CER1: variants seen among roughly 807,000 people sequenced by gnomAD.
CER1 encodes the protein cerberus.
In CER1, 10 loss-of-function variants were observed where a neutral mutation model predicts 11.8. That is an observed-to-expected ratio of 0.85 (90% CI 0.52 to 1.44). The LOEUF is 1.44. Ranked by LOEUF, CER1 falls within the 40% of genes most tolerant of loss-of-function variation. The pLI is 0.00. For synonymous variants in CER1, 141 were observed against 122.3 expected, an observed-to-expected ratio of 1.15 and a Z score of -1.01; for missense variants, 431 against 327.0, an observed-to-expected ratio of 1.32 and a Z score of -2.45.
downstream of CER1, among the ~76,000 whole-genome samples, chr9:14,718,214 G>A (rs1839960570): frequency 1.3e-5 from 2 of 152,176 alleles, no homozygotes; most frequent in Admixed American, 6.5e-5. Context: ...TTGGGCTTGA[G>A]AGTCTATTTG....
Position 14,722,724 on chromosome 9 carries a change from C to G in CER1, c.-52G>C. The G allele has an allele frequency of 6.5e-7, 1 of 1,534,004 alleles. No homozygotes were observed. The highest frequency in any genetic ancestry group is 1.3e-5 in the South Asian group (1 of 78,166). ...TAAATGATGAGGCCCAAAGGAGAGGCTCATTCTCTGCAGGACTGGGAAAAA... is the reference window on the plus strand; with the variant it reads ...TAAATGATGAGGCCCAAAGGAGAGGGTCATTCTCTGCAGGACTGGGAAAAA... On this transcript the variant is annotated 5_prime_UTR_variant, in exon 1 of 2. Transcript: ENST00000380911.
downstream of CER1, among the ~76,000 whole-genome samples, chr9:14,718,477 A>G (rs1405478391): frequency 6.6e-6 from 1 of 152,236 alleles, no homozygotes; most frequent in African/African-American, 2.4e-5. Flanking sequence ...TGTAAATGCC[A>G]TGTGTGCATC....
In CER1 at chr9:14,720,255, C is replaced by T. The variant is rs377725836; in HGVS notation, c.639G>A (p.Lys213=). 24 of 1,614,134 alleles carry T rather than the reference C, an allele frequency of 1.5e-5. 1 individual carries two copies. In the African/African-American group the frequency reaches 2.4e-4, roughly 16 times the overall value. Residue 213 remains lysine (K), a synonymous_variant, in exon 2 of 2, where the codon AAG becomes AAA. Coordinates refer to ENST00000380911, the MANE Select transcript of CER1 (RefSeq NM_005454.3). ...HTSCSHCLPA[K]FTTMHLPLNC... ...TCAGTGGCAAGTGCATCGTGGTGAA[C>T]TTGGCAGGCAAACAGTGAGAGCAGG...
In CER1 at chr9:14,719,909, G is replaced by C. The variant is rs1389986923; in HGVS notation, c.*181C>G. On this transcript the variant is annotated 3_prime_UTR_variant, in exon 2 of 2. Transcript: ENST00000380911. ...CTAGTTAGTGGCAGAGCTGAGACAA[G>C]GTCTCAAACGTGTACCAATAACTAG... The C allele has an allele frequency of 1.7e-6, 1 of 592,094 alleles. No individual in the cohort carries two copies. The highest frequency in any genetic ancestry group is 2.2e-5 in the South Asian group (1 of 45,984). The allele number at this position is 592,094 out of a possible 1,614,324, so 36.7% of individuals were successfully genotyped here. A position where few individuals can be genotyped will look rare whatever the true frequency, so the allele number is the denominator to read the frequency against.
Position 14,722,429 on chromosome 9 carries a change from T to C in CER1, c.244A>G (p.Arg82Gly), listed in dbSNP as rs1278677050. The C allele has an allele frequency of 6.2e-7, 1 of 1,614,220 alleles. No individual in the cohort carries two copies. Among genetic ancestry groups the C allele is most frequent in the South Asian group, 1.1e-5 (1 of 91,080 alleles). Residue 82 changes from arginine to glycine, a missense_variant, in exon 1 of 2, where the codon AGA becomes GGA. Arg to Gly is a moderately radical substitution (Grantham distance 125). Transcript: ENST00000380911. ...GQRQREKMLS[R>G]FGRFWKKPER... is the part of the protein sequence containing the mutation. ...GGCTTCTTCCAGAACCTGCCAAATC[T>C]GGACAGCATCTTCTCTCTCTGCCTC...
rs749914334 is a variant in CER1 at position 14,720,245 on chromosome 9, T to A, written c.649A>T (p.Met217Leu). ...TCAGTGCAGTTCAGTGGCAAGTGCA[T>A]CGTGGTGAACTTGGCAGGCAAACAG... ...SHCLPAKFTT[M>L]HLPLNCTELS... Residue 217 changes from methionine to leucine, a missense_variant, in exon 2 of 2, where the codon ATG (methionine) becomes TTG (leucine). By Grantham distance (15) the Met-to-Leu change is conservative. Transcript: ENST00000380911. 1.2e-6 allele frequency: 2 copies of A among 1,614,118 alleles called. No individual in the cohort carries two copies. The highest frequency in any genetic ancestry group is 1.3e-5 in the African/African-American group (1 of 75,026).
downstream of CER1, among the ~76,000 whole-genome samples, chr9:14,718,655 G>A (rs1036633876): frequency 2.0e-5 from 3 of 152,260 alleles, no homozygotes; most frequent in South Asian, 6.2e-4. Context: ...GTGTATGTGT[G>A]TGCACTAAAA....
chr9:14,719,526 CGTG>C (rs1839975015), downstream of CER1, among the ~76,000 whole-genome samples: 1 of 86,512 alleles, frequency 1.2e-5, no homozygotes, highest in Non-Finnish European at 2.2e-5. Context: ...TGCCTGCCTG[CGTG>C]CCTGCCTGCC....
intron 1 of CER1, 22 bp from the exon 2 acceptor site, chr9:14,720,408 A>T: frequency 6.3e-7 from 1 of 1,589,634 alleles, no homozygotes; most frequent in Non-Finnish European, 8.6e-7. Context: ...ACACATTTCC[A>T]TTACGTTATT....
downstream of CER1, chr9:14,719,612 TTCC>T (rs1839979788): frequency 1.3e-5 from 2 of 148,396 alleles, no homozygotes; most frequent in African/African-American, 5.2e-5. Flanking sequence ...CCTTCCTTCC[TTCC>T]TTCTTTCCTT....
chr9:14,719,770 G>A lies in CER1; in HGVS notation c.*320C>T. 1 of 236,192 alleles carries A rather than the reference G, an allele frequency of 4.2e-6. No homozygotes were observed. Among genetic ancestry groups the A allele is most frequent in the East Asian group, 8.3e-5 (1 of 12,074 alleles). 14.6% of individuals were successfully genotyped at this position (236,192 alleles called of 1,614,324 possible). On this transcript the variant is annotated 3_prime_UTR_variant, in exon 2 of 2. Transcript: ENST00000380911. The stretch of plus-strand genomic sequence containing the variant: ...GCTTTTACCCAAACTTGGAGAAAAT[G>A]CATCACGGAATATTAGTAGTGGAAA...
chr9:14,720,308 G>C lies in CER1; in HGVS notation c.586C>G (p.Pro196Ala). 6.2e-7 allele frequency: 1 copy of C among 1,614,094 alleles called. No individual in the cohort carries two copies. The highest frequency in any genetic ancestry group is 8.5e-7 in the Non-Finnish European group (1 of 1,180,038). Residue 196 changes from proline (P) to alanine (A), a missense_variant, in exon 2 of 2, where the codon CCT becomes GCT. Coordinates refer to ENST00000380911, the MANE Select transcript of CER1 (RefSeq NM_005454.3). ...GTATGGGAGTGCTGCGCGGCTCCAG[G>C]AAAATGAACAGACCCGCATTTCCCA... Reference protein sequence around the residue: ...CFGKCGSVHFPGAAQHSHTSC... With the variant: ...CFGKCGSVHFAGAAQHSHTSC...
downstream of CER1, among the ~76,000 whole-genome samples, chr9:14,718,783 A>G (rs1434828590): frequency 6.6e-6 from 1 of 152,176 alleles, no homozygotes; most frequent in Admixed American, 6.5e-5. Flanking sequence ...AAAAATTAAC[A>G]CAGACAGGAG....
chr9:14,720,206 T>C lies in CER1; in HGVS notation c.688A>G (p.Ile230Val), dbSNP rs146243663. 14 of 1,614,048 alleles carry C rather than the reference T, an allele frequency of 8.7e-6. No individual in the cohort carries two copies. The African/African-American group carries it at 1.6e-4, about 18-fold the overall frequency. ...PLNCTELSSV[I>V]KVVMLVEECQ... ...TCCTCCACCAGCATCACCACCTTGA[T>C]CACGGAGGAAAGTTCAGTGCAGTTC... Residue 230 changes from isoleucine (I) to valine (V), a missense_variant, in exon 2 of 2, where the codon ATC becomes GTC. Transcript: ENST00000380911.
intron 1 of CER1, among the ~76,000 whole-genome samples, chr9:14,720,934 C>A (rs534978528): frequency 1.3e-5 from 2 of 152,292 alleles, no homozygotes; most frequent in East Asian, 3.9e-4. Flanking sequence ...ATTACATCAC[C>A]TTTACCTCTC....
chr9:14,721,147 T>A (rs542733218), intron 1 of CER1, among the ~76,000 whole-genome samples: 1 of 152,324 alleles, frequency 6.6e-6, no homozygotes, highest in Non-Finnish European at 1.5e-5. Flanking sequence ...TTGCTACATA[T>A]CCTTGCCTTT....
At position 14,720,138 on chromosome 9, in the gene CER1, G is replaced by C. The variant is rs1015898814; in HGVS notation, c.756C>G (p.Ile252Met). 2 of 1,614,006 alleles carry C rather than the reference G, an allele frequency of 1.2e-6. No homozygotes were observed. The highest frequency in any genetic ancestry group is 1.1e-5 in the South Asian group (1 of 91,072). ...AGGAATCCTGGGAGCCAGCATGTAG[G>C]ATGTGTCCATCTTCATGCTCCGTCT... ...KVKTEHEDGHILHAGSQDSFI... is the reference protein window; with the variant it reads ...KVKTEHEDGHMLHAGSQDSFI... Residue 252 changes from isoleucine (I) to methionine (M), a missense_variant, in exon 2 of 2, where the codon ATC becomes ATG. Coordinates refer to ENST00000380911, the MANE Select transcript of CER1 (RefSeq NM_005454.3).
intron 1 of CER1, 107 bp downstream of exon 1, chr9:14,722,059 T>G: frequency 1.5e-6 from 2 of 1,294,608 alleles, no homozygotes; most frequent in Non-Finnish European, 2.1e-6. Flanking sequence ...AAATCTGTAG[T>G]TAAGCTAGAG....
rs752337203 is a variant in CER1, at chr9:14,719,989, T to G, written c.*101A>C. 2.4e-4 allele frequency: 264 copies of G among 1,077,966 alleles called. 1 individual carries two copies. The highest frequency in any genetic ancestry group is 3.4e-4 in the Non-Finnish European group (245 of 727,694). 66.8% of individuals were successfully genotyped at this position (1,077,966 alleles called of 1,614,324 possible). On this transcript the variant is annotated 3_prime_UTR_variant, in exon 2 of 2. Transcript: ENST00000380911. Reference sequence around the variant, plus strand: ...TTAAAACTACGTTTCAAGTCACCTTTCCCTGAAAATGTTATGTACCCACTT... The same window carrying G: ...TTAAAACTACGTTTCAAGTCACCTTGCCCTGAAAATGTTATGTACCCACTT...
Sources: gnomAD v4.1 joint callset for allele counts (sites outside exome capture counted in the v4.1 genomes callset) on GRCh38, gnomAD v4.1.1 for gene constraint, MANE v1.5 for transcripts, NCBI Gene and HGNC (gene_info 2026-07-23, HGNC 2026-07-21) for gene names.